The following GRB10 variants were observed in gnomAD, a reference collection of about 807,000 sequenced individuals.
GRB10 encodes the protein growth factor receptor bound protein 10.
In GRB10, 20 loss-of-function variants were observed where a neutral mutation model predicts 80.9. The observed-to-expected ratio is 0.25, with a 90% CI of 0.17 to 0.36. The LOEUF (loss-of-function observed/expected upper bound fraction) is 0.36, where lower values mean the gene tolerates loss of function less well. Among genes scored for constraint, GRB10 ranks in the 10% least tolerant of loss-of-function variants. GRB10 has a pLI of 1.00. For missense variants in GRB10, 548 were observed against 747.7 expected (o/e 0.73, Z 3.12); for synonymous variants, 291 against 291.5 (o/e 1.00, Z 0.02).
Position 50,615,152 on chromosome 7 carries a change from C to G in GRB10, c.985-272G>C, listed in dbSNP as rs1035743727. Among the ~76,000 whole-genome samples the G allele has an allele frequency of 2.0e-5, 3 of 152,104 alleles. No individual in the cohort carries two copies. In the East Asian group the frequency reaches 5.8e-4, roughly 29 times the overall value. On this transcript the variant is annotated intron_variant, in intron 11 of 18. Transcript: ENST00000401949. ...TTCTGGCAAATCAAAGCCCCATGAC[C>G]GGATATTCAAGATAAAAAGCAGGAG...
Position 50,653,808 on chromosome 7 carries a change from C to A in GRB10, c.504+15914G>T, listed in dbSNP as rs528661657. Among the ~76,000 whole-genome samples the A allele has an allele frequency of 2.8e-4, 42 of 152,280 alleles. 1 individual carries two copies. Among genetic ancestry groups the A allele is most frequent in the South Asian group, 2.1e-3 (10 of 4,824 alleles). ...CCAGGTGGCTACATGAAGAAGCTAC[C>A]CAAGTAAAGTTGGTAGATCAAAAAG... On this transcript the variant is annotated intron_variant, in intron 7 of 18. Transcript: ENST00000401949.
chr7:50,617,169 C>T (rs1163017614), intron 10 of GRB10, among the ~76,000 whole-genome samples: 1 of 152,194 alleles, frequency 6.6e-6, no homozygotes, highest in Non-Finnish European at 1.5e-5. Flanking sequence ...TTAGTGCTGA[C>T]ACCTCTCGCC....
intron 3 of GRB10, among the ~76,000 whole-genome samples, chr7:50,733,596 C>A (rs1178920597): frequency 6.6e-6 from 1 of 152,206 alleles, no homozygotes; most frequent in East Asian, 1.9e-4. Context: ...ATGAAGGGAG[C>A]AGGTCCATGA....
intron 17 of GRB10, among the ~76,000 whole-genome samples, chr7:50,599,894 T>A: frequency 6.6e-6 from 1 of 152,126 alleles, no homozygotes; most frequent in East Asian, 1.9e-4. Flanking sequence ...GTGGGCCTTA[T>A]CCCAGAATCA....
rs1267924757 is a variant in GRB10 at position 50,591,251 on chromosome 7, G to C, written c.*1701C>G. ...ACCTTTCATGGAAAACAACTAGAGTGTGGTCTGTAGACTGACATACAGTGT... is the reference window on the plus strand; with the variant it reads ...ACCTTTCATGGAAAACAACTAGAGTCTGGTCTGTAGACTGACATACAGTGT... On this transcript the variant is annotated 3_prime_UTR_variant, in exon 19 of 19. Transcript: ENST00000401949. 1 of 152,240 alleles carries C rather than the reference G, an allele frequency of 6.6e-6. No individual in the cohort carries two copies. The highest frequency in any genetic ancestry group is 1.5e-5 in the Non-Finnish European group (1 of 68,046). 9.4% of individuals were successfully genotyped at this position (152,240 alleles called of 1,614,324 possible). A position where few individuals can be genotyped will look rare whatever the true frequency, so the allele number is the denominator to read the frequency against.
intron 1 of GRB10, among the ~76,000 whole-genome samples, chr7:50,791,056 C>A (rs1054210102): frequency 4.6e-5 from 7 of 152,206 alleles, no homozygotes; most frequent in African/African-American, 1.7e-4. Flanking sequence ...TGGCATGAAC[C>A]TGCCCAGTTC....
chr7:50,620,917 CCCAAAA>C (rs1040200470), intron 8 of GRB10, among the ~76,000 whole-genome samples: 67 of 152,270 alleles, frequency 4.4e-4, no homozygotes, highest in African/African-American at 1.6e-3. Context: ...AAAACAAAAA[CCCAAAA>C]CCAAAACCAA....
intron 2 of GRB10, among the ~76,000 whole-genome samples, chr7:50,757,982 TG>T: frequency 6.6e-6 from 1 of 152,274 alleles, no homozygotes; most frequent in East Asian, 1.9e-4. Flanking sequence ...GAAATATACT[TG>T]TCCTGTCAAA....
intron 7 of GRB10, among the ~76,000 whole-genome samples, chr7:50,660,570 T>G (rs905750158): frequency 5.3e-5 from 8 of 151,462 alleles, no homozygotes; most frequent in Admixed American, 5.3e-4. Context: ...CCCCAGCACC[T>G]TCCAAGTGCC....
chr7:50,669,367 T>TG (rs2060127846), intron 7 of GRB10, among the ~76,000 whole-genome samples: 1 of 151,456 alleles, frequency 6.6e-6, no homozygotes, highest in Admixed American at 6.6e-5. Context: ...ACAGCAGGAG[T>TG]GGGAGCAAGG....
intron 5 of GRB10, among the ~76,000 whole-genome samples, chr7:50,691,424 C>G (rs2062799812): frequency 6.6e-6 from 1 of 152,130 alleles, no homozygotes; most frequent in Non-Finnish European, 1.5e-5. Context: ...CTCAGTTTCC[C>G]TATAAATATG....
intron 17 of GRB10, among the ~76,000 whole-genome samples, chr7:50,601,686 A>G (rs957746474): frequency 6.6e-6 from 1 of 152,192 alleles, no homozygotes; most frequent in African/African-American, 2.4e-5. Context: ...AAAAAACAAC[A>G]AAATCAAAGA....
At chr7:50,612,198 C>T (rs1025012086) in intron 13 of GRB10, among the ~76,000 whole-genome samples, 1 of 152,152 alleles carries the variant, frequency 6.6e-6, no homozygotes, top group East Asian at 1.9e-4. Context: ...ATGGCCCTGG[C>T]TTTTTGGGAA....
At chr7:50,711,020 T>C in intron 4 of GRB10, 2 of 856,096 alleles carry the variant, frequency 2.3e-6, no homozygotes, top group Non-Finnish European at 4.0e-6. Flanking sequence ...GCACACTTAA[T>C]AACTCCACTA....
intron 3 of GRB10, 52 bp downstream of exon 3, chr7:50,755,835 G>A (rs1225710423): frequency 3.3e-5 from 13 of 398,636 alleles, no homozygotes; most frequent in South Asian, 1.3e-4. Context: ...CTGAACAGGC[G>A]ACTCTCCTGC....
intron 4 of GRB10, among the ~76,000 whole-genome samples, chr7:50,705,510 C>CT (rs766991494): frequency 6.6e-6 from 1 of 151,978 alleles, no homozygotes; most frequent in African/African-American, 2.4e-5. Flanking sequence ...AAAACGGAAC[C>CT]TCTCTTTTTA....
intron 4 of GRB10, among the ~76,000 whole-genome samples, chr7:50,725,161 C>A (rs992254049): frequency 1.3e-5 from 2 of 152,180 alleles, no homozygotes; most frequent in African/African-American, 4.8e-5. Context: ...GAGGAGGAGC[C>A]TGGTGGTAGG....
intron 5 of GRB10, among the ~76,000 whole-genome samples, chr7:50,697,707 T>C (rs1270201133): frequency 6.6e-6 from 1 of 152,220 alleles, no homozygotes; most frequent in Non-Finnish European, 1.5e-5. Context: ...GATTTGGTCA[T>C]AGGTCCCAAA....
At chr7:50,620,465 C>T (rs1422064622) in intron 8 of GRB10, among the ~76,000 whole-genome samples, 1 of 130,542 alleles carries the variant, frequency 7.7e-6, no homozygotes, top group Non-Finnish European at 1.8e-5. Context: ...GCCATGGGCA[C>T]TCATCTCAGA....
Sources: gnomAD v4.1 joint callset for allele counts (sites outside exome capture counted in the v4.1 genomes callset) on GRCh38, gnomAD v4.1.1 for gene constraint, MANE v1.5 for transcripts, NCBI Gene and HGNC (gene_info 2026-07-23, HGNC 2026-07-21) for gene names.